The following FAM9B variants were observed in gnomAD, a reference collection of about 807,000 sequenced individuals.
The protein encoded by FAM9B is family with sequence similarity 9 member B, also known as protein FAM9B.
A neutral mutation model predicts 16.6 loss-of-function variants in FAM9B; 18 were observed. That is an observed-to-expected ratio of 1.09 (90% CI 0.75 to 1.61). The LOEUF (loss-of-function observed/expected upper bound fraction) is 1.61, where lower values mean the gene tolerates loss of function less well. Among genes scored for constraint, FAM9B ranks in the 40% most tolerant of loss-of-function variants. The pLI is 0.00. For synonymous variants in FAM9B, 43 were observed against 42.6 expected (o/e 1.01, Z -0.03); for missense variants, 155 against 136.0 (o/e 1.14, Z -0.70).
At chrX:9,033,603 C>G (rs1921163147) in intron 1 of FAM9B, among the ~76,000 whole-genome samples, 1 of 97,611 alleles carries the variant, frequency 1.0e-5, no homozygotes, top group Admixed American at 1.1e-4. Flanking sequence ...GCCCCTCCCC[C>G]CAACACATGC....
In FAM9B at chrX:9,034,057, A is replaced by C; in HGVS notation, c.-295T>G. ...CTCCGTCCCAAAAAAAACAAAACAAAAAAACAAAAAAAAAGAAAAGTAAAG... is the reference window on the plus strand; with the variant it reads ...CTCCGTCCCAAAAAAAACAAAACAACAAAACAAAAAAAAAGAAAAGTAAAG... On this transcript the variant is annotated 5_prime_UTR_variant, in exon 1 of 9. Coordinates refer to ENST00000327220, the MANE Select transcript of FAM9B (RefSeq NM_205849.3). 1 of 227,268 alleles carries C rather than the reference A, an allele frequency of 4.4e-6. No homozygotes were observed. The highest frequency in any genetic ancestry group is 6.3e-6 in the Non-Finnish European group (1 of 157,592). The allele number at this position is 227,268 out of a possible 1,213,427, so 18.7% of individuals were successfully genotyped here.
At chrX:9,033,681 G>GGGCC in intron 1 of FAM9B, 171 bp downstream of exon 1, 2 of 147,909 alleles carry the variant, frequency 1.4e-5, no homozygotes, top group Non-Finnish European at 2.2e-5. Context: ...CCCTGCCCTG[G>GGGCC]CCCACCCCAG....
intron 4 of FAM9B, 85 bp downstream of exon 4, chrX:9,032,045 T>G (rs192781938): frequency 1.2e-6 from 1 of 852,783 alleles, no homozygotes; most frequent in Non-Finnish European, 1.7e-6. Flanking sequence ...GACAGTCTTG[T>G]CGTCCACTAA....
At position 9,029,363 on chromosome X, in the gene FAM9B, T is replaced by C. The variant is rs775407537; in HGVS notation, c.337A>G (p.Ile113Val). 30 of 1,208,753 alleles carry C rather than the reference T, an allele frequency of 2.5e-5. No individual in the cohort carries two copies. Among genetic ancestry groups the C allele is most frequent in the Non-Finnish European group, 3.4e-5 (30 of 894,351 alleles). The change falls in exon 6 of 9, where the codon ATC becomes GTC. Residue 113 changes from isoleucine (I) to valine (V), a missense_variant. Transcript: ENST00000327220. ...TCTTCCTCTTTCTGCTCGTCTGTGA[T>C]GTATTCTTCAAGGACATTTAGCAAC... ...LKLLNVLEEY[I>V]TDEQKEEEEE... is the part of the protein sequence containing the mutation.
intron 4 of FAM9B, 28 bp downstream of exon 4, chrX:9,032,102 T>C: frequency 8.4e-7 from 1 of 1,190,733 alleles, no homozygotes; most frequent in Non-Finnish European, 1.1e-6. Context: ...ACAATTTTCA[T>C]AAACTACAGA....
rs201660833 is a variant in FAM9B, at chrX:9,026,884, CTGTT to C, written c.492+980_492+983del. 6.7e-3 allele frequency among the ~76,000 whole-genome samples: 753 copies of C among 111,818 alleles called. 5 individuals are homozygous for C. The highest frequency in any genetic ancestry group is 0.022 in the African/African-American group (689 of 30,835). ...CTACTTGTAACTTCTATTTAAATAA[CTGTT>C]TGTGTATAGATAATCCTCAAGTTGC... On this transcript the variant is annotated intron_variant, in intron 7 of 8. Coordinates refer to ENST00000327220, the MANE Select transcript of FAM9B (RefSeq NM_205849.3).
chrX:9,026,883 A>T (rs769577980), intron 7 of FAM9B, among the ~76,000 whole-genome samples: 19 of 111,649 alleles, frequency 1.7e-4, no homozygotes, highest in Non-Finnish European at 3.4e-4. Context: ...TATTTAAATA[A>T]CTGTTTGTGT....
intron 4 of FAM9B, chrX:9,030,652 T>C (rs1263417748): frequency 1.6e-5 from 3 of 189,555 alleles, no homozygotes; most frequent in Non-Finnish European, 2.9e-5. Flanking sequence ...ATTTTTTAAA[T>C]GTGCAGAAAG....
chrX:9,033,647 T>A, intron 1 of FAM9B: 1 of 624,813 alleles, frequency 1.6e-6, no homozygotes, highest in Non-Finnish European at 1.9e-6. Context: ...GCCCTAGGGA[T>A]CACCCAGGCA....
intron 4 of FAM9B, chrX:9,030,630 T>C (rs960495867): frequency 2.3e-5 from 5 of 215,611 alleles, no homozygotes; most frequent in South Asian, 1.7e-4. Flanking sequence ...AAGCAAATAA[T>C]TAAAAGTCTC....
chrX:9,033,288 C>A (rs1386833379), intron 1 of FAM9B: 6 of 1,073,445 alleles, frequency 5.6e-6, no homozygotes, highest in Non-Finnish European at 6.0e-6. Context: ...CTGCCCCTCA[C>A]ACCTGAACTC....
chrX:9,030,208 T>G, intron 5 of FAM9B, 53 bp downstream of exon 5: 3 of 1,165,128 alleles, frequency 2.6e-6, no homozygotes, highest in Non-Finnish European at 3.5e-6. Flanking sequence ...TTGCACCAAC[T>G]AATACAAAGA....
rs1172628850 is a variant in FAM9B, at chrX:9,029,983, T to C, written c.281+278A>G. 1.2e-5 allele frequency: 5 copies of C among 414,664 alleles called. No individual in the cohort carries two copies. The Admixed American group carries it at 1.5e-4, about 12-fold the overall frequency. The allele number at this position is 414,664 out of a possible 1,213,427, so 34.2% of individuals were successfully genotyped here. On this transcript the variant is annotated intron_variant, in intron 5 of 8. Transcript: ENST00000327220. The stretch of plus-strand genomic sequence containing the variant: ...ACATTTATCTTATATGCAGCTACCA[T>C]ATTTCTAGAAATGGATAAACATTAA...
chrX:9,030,188 T>C (rs1359928912), intron 5 of FAM9B, 73 bp downstream of exon 5: 4 of 1,156,824 alleles, frequency 3.5e-6, no homozygotes, highest in South Asian at 3.9e-5. Context: ...AGGATAGTTT[T>C]TGAAATTATT....
intron 7 of FAM9B, among the ~76,000 whole-genome samples, chrX:9,026,134 G>A (rs943098499): frequency 1.2e-4 from 13 of 111,802 alleles, no homozygotes; most frequent in Admixed American, 3.8e-4. Flanking sequence ...ACAATCTTCC[G>A]TATTTCTATG....
intron 2 of FAM9B, 93 bp from the exon 3 acceptor site, chrX:9,032,554 G>T (rs111614282): frequency 0.05 from 6,350 of 127,687 alleles, 164 homozygotes; most frequent in African/African-American, 0.37. Context: ...AGACTTTTTT[G>T]GGGGGGGGGG....
At chrX:9,026,669 A>C (rs760138594) in intron 7 of FAM9B, among the ~76,000 whole-genome samples, 1 of 111,367 alleles carries the variant, frequency 9.0e-6, no homozygotes, top group East Asian at 2.8e-4. Flanking sequence ...TTAAAGGACC[A>C]TTGCAGAGGT....
rs1226128571 is a variant in FAM9B, at chrX:9,025,380, G to A, written c.*32-3C>T. 6 of 530,737 alleles carry A rather than the reference G, an allele frequency of 1.1e-5. No individual in the cohort carries two copies. The highest frequency in any genetic ancestry group is 1.7e-5 in the Non-Finnish European group (6 of 350,260). 43.7% of individuals were successfully genotyped at this position (530,737 alleles called of 1,213,427 possible). A position where few individuals can be genotyped will look rare whatever the true frequency, so the allele number is the denominator to read the frequency against. On this transcript the variant is annotated splice_region_variant and splice_polypyrimidine_tract_variant and intron_variant, in intron 8 of 8. Transcript: ENST00000327220. ...GTAAGTGCCAACTTTTCCAAAAGCTGTTTCAAAAAAAAATTTAAGTAACTG... is the reference window on the plus strand; with the variant it reads ...GTAAGTGCCAACTTTTCCAAAAGCTATTTCAAAAAAAAATTTAAGTAACTG...
chrX:9,024,843 G>C lies in FAM9B; in HGVS notation c.*566C>G, dbSNP rs1407042249. 9.0e-6 allele frequency: 1 copy of C among 111,342 alleles called. No individual in the cohort carries two copies. Among genetic ancestry groups the C allele is most frequent in the Non-Finnish European group, 1.9e-5 (1 of 53,102 alleles). 9.2% of individuals were successfully genotyped at this position (111,342 alleles called of 1,213,427 possible). A position where few individuals can be genotyped will look rare whatever the true frequency, so the allele number is the denominator to read the frequency against. On this transcript the variant is annotated 3_prime_UTR_variant, in exon 9 of 9. Transcript: ENST00000327220. ...ACTACACGTGCGTGCCACCACGCCCGGGTAATTTTGGTATTTTTAGCAGAG... is the reference window on the plus strand; with the variant it reads ...ACTACACGTGCGTGCCACCACGCCCCGGTAATTTTGGTATTTTTAGCAGAG...
Sources: allele counts gnomAD v4.1 joint callset (sites outside exome capture counted in the v4.1 genomes callset), GRCh38; gene constraint gnomAD v4.1.1; transcripts MANE v1.5; gene names NCBI Gene and HGNC (gene_info 2026-07-23, HGNC 2026-07-21).